Variants in HMGXB3 observed in about 807,000 individuals in gnomAD.
The protein encoded by HMGXB3 is HMG domain-containing protein 3.
A neutral mutation model predicts 121.5 loss-of-function variants in HMGXB3; 45 were observed. The ratio of observed to expected loss-of-function variants is 0.37; its 90% confidence interval spans 0.29 to 0.47. HMGXB3 has a LOEUF of 0.47. Among genes scored for constraint, HMGXB3 ranks in the 20% least tolerant of loss-of-function variants. HMGXB3 has a pLI of 0.99. For synonymous variants in HMGXB3, 590 were observed against 624.1 expected, an observed-to-expected ratio of 0.95 and a Z score of 0.81; for missense variants, 1,376 against 1,602.2, an observed-to-expected ratio of 0.86 and a Z score of 2.41.
chr5:150,020,002 A>G (rs1272257501), intron 6 of HMGXB3, among the ~76,000 whole-genome samples: 1 of 152,200 alleles, frequency 6.6e-6, no homozygotes, highest in African/African-American at 2.4e-5. Context: ...GTTTTTAACT[A>G]TGTAATCTTG....
chr5:150,048,446 C>T (rs1014476284), intron 17 of HMGXB3, 123 bp from the exon 18 acceptor site: 37 of 712,598 alleles, frequency 5.2e-5, no homozygotes, highest in African/African-American at 1.5e-4. Context: ...GGCTCCAAGG[C>T]CCGCTCTGAC....
At position 150,010,372 on chromosome 5, in the gene HMGXB3, G is replaced by A; in HGVS notation, c.574G>A (p.Val192Met). The A allele has an allele frequency of 6.4e-7, 1 of 1,551,698 alleles. No individual in the cohort carries two copies. Among genetic ancestry groups the A allele is most frequent in the Non-Finnish European group, 8.7e-7 (1 of 1,146,988 alleles). Residue 192 changes from valine (V) to methionine (M), a missense_variant, in exon 4 of 20, where the codon GTG (valine) becomes ATG (methionine). Transcript: ENST00000502717. ...CLAVEALAEE[V>M]GALTQSGAVQ... ...GGCTGTGGAGGCCCTGGCTGAGGAGGTGGGAGCCCTTACCCAGTCAGGTGC... is the reference window on the plus strand; with the variant it reads ...GGCTGTGGAGGCCCTGGCTGAGGAGATGGGAGCCCTTACCCAGTCAGGTGC...
chr5:150,006,054 C>A (rs1755695759), intron 2 of HMGXB3, among the ~76,000 whole-genome samples: 1 of 152,190 alleles, frequency 6.6e-6, no homozygotes, highest in African/African-American at 2.4e-5. Context: ...AGCCCCTTAT[C>A]TTCCTGGGTA....
chr5:150,037,046 GT>G, intron 12 of HMGXB3, 109 bp downstream of exon 12: 2 of 1,003,118 alleles, frequency 2.0e-6, no homozygotes, highest in Non-Finnish European at 2.9e-6. Flanking sequence ...ATTCTCTGCC[GT>G]TTTTAGGCTT....
rs1756642871 is a variant in HMGXB3, at chr5:150,041,966, G to A, written c.2727G>A (p.Val909=). ...AGAATGTGCTAGCACTGAAGAGCGT[G>A]GAGGTAAGTGCCTCTTAGCCACCGT... ...SEENVLALKS[V]EFTWPEFLGS... is the part of the protein sequence containing the mutation. Residue 909 remains valine, a synonymous_variant, in exon 15 of 20, where the codon GTG becomes GTA. Coordinates refer to ENST00000502717, the MANE Select transcript of HMGXB3 (RefSeq NM_014983.3). 2 of 1,550,574 alleles carry A rather than the reference G, an allele frequency of 1.3e-6. No homozygotes were observed. Among genetic ancestry groups the A allele is most frequent in the Non-Finnish European group, 1.7e-6 (2 of 1,146,186 alleles).
chr5:150,035,988 A>T (rs1756493381), intron 11 of HMGXB3, among the ~76,000 whole-genome samples: 1 of 152,222 alleles, frequency 6.6e-6, no homozygotes, highest in Admixed American at 6.5e-5. Context: ...TATCTTACTT[A>T]ATCTGTATAA....
In HMGXB3 at chr5:150,036,502, T is replaced by C. The variant is rs1756503830; in HGVS notation, c.1984-134T>C. ...TCACACAGTGAGTTATTAGCTGAGC[T>C]GGTTAGGAACCTAGGTTTGCCACCT... On this transcript the variant is annotated intron_variant, in intron 11 of 19. Transcript: ENST00000502717. 3 of 698,838 alleles carry C rather than the reference T, an allele frequency of 4.3e-6. No individual in the cohort carries two copies. In the South Asian group the frequency reaches 6.4e-5, roughly 15 times the overall value. The allele number at this position is 698,838 out of a possible 1,614,324, so 43.3% of individuals were successfully genotyped here. A position where few individuals can be genotyped will look rare whatever the true frequency, so the allele number is the denominator to read the frequency against.
Position 150,048,551 on chromosome 5 carries a change from C to T in HMGXB3, c.3085-18C>T, listed in dbSNP as rs1420343650. On this transcript the variant is annotated intron_variant, in intron 17 of 19. Transcript: ENST00000502717. ...TAGCATTCGCCCTTATGTTTTTAAT[C>T]TTGTCCTTCTACTCCAGGACCAGCT... 1.3e-6 allele frequency: 2 copies of T among 1,512,638 alleles called. No individual in the cohort carries two copies. Among genetic ancestry groups the T allele is most frequent in the East Asian group, 2.5e-5 (1 of 40,738 alleles). The allele number at this position is 1,512,638 out of a possible 1,614,324, so 93.7% of individuals were successfully genotyped here. A position where few individuals can be genotyped will look rare whatever the true frequency, so the allele number is the denominator to read the frequency against.
At chr5:150,020,265 G>T (rs1756057343) in intron 6 of HMGXB3, among the ~76,000 whole-genome samples, 1 of 152,186 alleles carries the variant, frequency 6.6e-6, no homozygotes, top group African/African-American at 2.4e-5. Context: ...CTCACAGGGG[G>T]TTTTGTCTAA....
Position 150,050,773 on chromosome 5 carries a change from G to T in HMGXB3, c.3411+312G>T, listed in dbSNP as rs139154516. On this transcript the variant is annotated intron_variant, in intron 19 of 19. Coordinates refer to ENST00000502717, the MANE Select transcript of HMGXB3 (RefSeq NM_014983.3). ...TGGGATTACAGGCATGAGCCACCAC[G>T]CCCAGCCTACTCCGTAAGTTTTTAC... 4.0e-3 allele frequency among the ~76,000 whole-genome samples: 605 copies of T among 152,272 alleles called. 3 individuals carry two copies. The highest frequency in any genetic ancestry group is 0.013 in the African/African-American group (527 of 41,558).
intron 9 of HMGXB3, 173 bp from the exon 10 acceptor site, chr5:150,030,568 G>T (rs1452786839): frequency 1.0e-5 from 6 of 589,522 alleles, no homozygotes; most frequent in Non-Finnish European, 1.8e-5. Context: ...ACTTGAACAT[G>T]ACACTCAGCC....
At chr5:150,039,896 T>C (rs1359616389) in intron 13 of HMGXB3, among the ~76,000 whole-genome samples, 1 of 152,246 alleles carries the variant, frequency 6.6e-6, no homozygotes, top group East Asian at 1.9e-4. Flanking sequence ...TAGTGCATTA[T>C]GTTTTGTGCA....
In HMGXB3 at chr5:150,024,523, G is replaced by A. The variant is rs777942727; in HGVS notation, c.1303G>A (p.Gly435Ser). 23 of 1,551,564 alleles carry A rather than the reference G, an allele frequency of 1.5e-5. No individual in the cohort carries two copies. The South Asian group carries it at 2.4e-4, about 16-fold the overall frequency. Residue 435 changes from glycine to serine, a missense_variant, in exon 7 of 20, where the codon GGT (glycine) becomes AGT (serine). By Grantham distance (56) the Gly-to-Ser change is moderately conservative. Transcript: ENST00000502717. Reference protein sequence around the residue: ...VLVKEAPGNCGTAVTKTPVVK... With the variant: ...VLVKEAPGNCSTAVTKTPVVK... The stretch of plus-strand genomic sequence containing the variant: ...GGTTAAGGAAGCTCCCGGGAATTGT[G>A]GTACAGCAGTCACTAAGACGCCAGT...
chr5:150,016,042 C>G (rs1755952507), intron 5 of HMGXB3, among the ~76,000 whole-genome samples: 1 of 152,100 alleles, frequency 6.6e-6, no homozygotes, highest in African/African-American at 2.4e-5. Flanking sequence ...CTTGTTCTAT[C>G]AATTATAAGA....
At chr5:150,017,451 C>T (rs1342746534) in intron 5 of HMGXB3, among the ~76,000 whole-genome samples, 1 of 152,162 alleles carries the variant, frequency 6.6e-6, no homozygotes, top group African/African-American at 2.4e-5. Flanking sequence ...ATAGGAAGAA[C>T]AGGCGATTTT....
chr5:150,008,054 TTCACACAC>T (rs1312011148), intron 3 of HMGXB3, among the ~76,000 whole-genome samples: 4 of 108,038 alleles, frequency 3.7e-5, no homozygotes, highest in Non-Finnish European at 5.7e-5. Flanking sequence ...GAGACTCTGT[TTCACACAC>T]ACACACACAC....
intron 9 of HMGXB3, chr5:150,030,520 G>T: frequency 2.0e-6 from 1 of 512,350 alleles, no homozygotes; most frequent in South Asian, 2.4e-5. Flanking sequence ...CTAATACATG[G>T]TATTAGAAAC....
chr5:150,017,455 C>T (rs1379194156), intron 5 of HMGXB3, among the ~76,000 whole-genome samples: 2 of 152,106 alleles, frequency 1.3e-5, no homozygotes, highest in East Asian at 1.9e-4. Flanking sequence ...GAAGAACAGG[C>T]GATTTTACAG....
rs774737838 is a variant in HMGXB3, at chr5:150,051,897, C to G, written c.3584C>G (p.Pro1195Arg). ...SAGHHSLALCPELAPYATILA... is the reference protein window; with the variant it reads ...SAGHHSLALCRELAPYATILA... ...GGGCACCACTCCTTGGCCCTGTGCC[C>G]TGAATTGGCACCTTACGCAACCATC... Residue 1195 changes from proline (P) to arginine (R), a missense_variant, in exon 20 of 20, where the codon CCT becomes CGT. Transcript: ENST00000502717. The G allele has an allele frequency of 4.5e-6, 7 of 1,551,906 alleles. No individual in the cohort carries two copies. In the South Asian group the frequency reaches 8.3e-5, roughly 18 times the overall value.
Sources: gnomAD v4.1 joint callset for allele counts (sites outside exome capture counted in the v4.1 genomes callset) on GRCh38, gnomAD v4.1.1 for gene constraint, MANE v1.5 for transcripts, NCBI Gene and HGNC (gene_info 2026-07-23, HGNC 2026-07-21) for gene names.